The following NHSL1 variants were observed in gnomAD, a reference collection of about 807,000 sequenced individuals.
The protein encoded by NHSL1 is NHS-like protein 1.
Under a neutral mutation model 95.0 loss-of-function variants are expected in NHSL1, and 48 were observed. The ratio of observed to expected loss-of-function variants is 0.51; its 90% CI spans 0.40 to 0.64. The LOEUF (loss-of-function observed/expected upper bound fraction) is 0.64. Ranked by LOEUF, NHSL1 falls within the 30% of genes least tolerant of loss-of-function variation. The pLI is 0.00. For synonymous variants in NHSL1, 783 were observed against 833.9 expected, an observed-to-expected ratio of 0.94 and a Z score of 1.05; for missense variants, 1,971 against 2,077.7, an observed-to-expected ratio of 0.95 and a Z score of 1.00.
intron 1 of NHSL1, among the ~76,000 whole-genome samples, chr6:138,607,684 G>T (rs549909693): frequency 3.3e-5 from 5 of 152,150 alleles, no homozygotes; most frequent in South Asian, 2.1e-4. Context: ...TGCAAGGACC[G>T]CCAGGAGTCA....
chr6:138,670,470 T>A (rs1382186798), intron 1 of NHSL1, among the ~76,000 whole-genome samples: 1 of 149,500 alleles, frequency 6.7e-6, no homozygotes, highest in Non-Finnish European at 1.5e-5. Flanking sequence ...ATCGAGACCA[T>A]CCCGGCTAAA....
intron 1 of NHSL1, among the ~76,000 whole-genome samples, chr6:138,523,298 T>C (rs1328809865): frequency 6.6e-6 from 1 of 151,866 alleles, no homozygotes. Context: ...GTTTTTAAAT[T>C]TTGTTTTTAT....
At chr6:138,500,654 G>A (rs1780624976), upstream of NHSL1, among the ~76,000 whole-genome samples, 2 of 151,248 alleles carry the variant, frequency 1.3e-5, no homozygotes. Context: ...TTTATATAAG[G>A]GGCTCTGTCT....
chr6:138,650,553 C>T (rs1785077733), intron 1 of NHSL1: 1 of 594,062 alleles, frequency 1.7e-6, no homozygotes, highest in African/African-American at 1.9e-5. Flanking sequence ...AACCACATCA[C>T]CCAGGAGGTG....
intron 3 of NHSL1, among the ~76,000 whole-genome samples, chr6:138,451,038 A>G (rs56088570): frequency 0.3 from 45,506 of 151,880 alleles, 8,194 homozygotes; most frequent in African/African-American, 0.48. Flanking sequence ...CAGGCGAAGG[A>G]ATCCTTTTAG....
chr6:138,522,629 G>A (rs774180762), intron 1 of NHSL1, among the ~76,000 whole-genome samples: 6 of 152,136 alleles, frequency 3.9e-5, no homozygotes, highest in Non-Finnish European at 7.3e-5. Context: ...TGACAAGAGT[G>A]AAACTCCATC....
At chr6:138,638,175 C>T (rs939972460) in intron 1 of NHSL1, among the ~76,000 whole-genome samples, 12 of 151,610 alleles carry the variant, frequency 7.9e-5, no homozygotes, top group Middle Eastern at 3.4e-3. Context: ...ATTGAATTCA[C>T]GAAGATAGAA....
At chr6:138,674,671 AG>A (rs1284145317) in intron 1 of NHSL1, among the ~76,000 whole-genome samples, 7 of 152,284 alleles carry the variant, frequency 4.6e-5, no homozygotes, top group Non-Finnish European at 1.0e-4. Context: ...ATGGCTGCAT[AG>A]TATTCCATGG....
chr6:138,598,733 C>T (rs1182670759), intron 1 of NHSL1, among the ~76,000 whole-genome samples: 2 of 151,544 alleles, frequency 1.3e-5, no homozygotes, highest in African/African-American at 4.9e-5. Context: ...TTTGGATTTG[C>T]TGACCAGACT....
At chr6:138,596,121 G>A (rs192770660) in intron 1 of NHSL1, among the ~76,000 whole-genome samples, 17 of 152,302 alleles carry the variant, frequency 1.1e-4, no homozygotes, top group Admixed American at 2.0e-4. Context: ...ATGCCTTCCA[G>A]TAGTCAATGG....
At chr6:138,484,622 T>C (rs1333985833) in intron 2 of NHSL1, among the ~76,000 whole-genome samples, 1 of 152,160 alleles carries the variant, frequency 6.6e-6, no homozygotes, top group Non-Finnish European at 1.5e-5. Context: ...AATATCTCTG[T>C]CACTGACATT....
At chr6:138,651,845 C>T (rs1373081332) in intron 1 of NHSL1, among the ~76,000 whole-genome samples, 1 of 152,040 alleles carries the variant, frequency 6.6e-6, no homozygotes, top group Non-Finnish European at 1.5e-5. Flanking sequence ...TAGAAAATAC[C>T]ATCACAAAGA....
intron 1 of NHSL1, among the ~76,000 whole-genome samples, chr6:138,653,210 C>G (rs1257611679): frequency 6.6e-6 from 1 of 152,174 alleles, no homozygotes; most frequent in Non-Finnish European, 1.5e-5. Flanking sequence ...TATTATATTT[C>G]CAGGTCTAAC....
chr6:138,521,208 G>C (rs1408325695), intron 1 of NHSL1, among the ~76,000 whole-genome samples: 1 of 152,112 alleles, frequency 6.6e-6, no homozygotes, highest in Admixed American at 6.6e-5. Context: ...GTCTTTAAAA[G>C]CCTCCCCCAG....
intron 1 of NHSL1, among the ~76,000 whole-genome samples, chr6:138,545,053 C>A (rs909078739): frequency 7.1e-6 from 1 of 140,240 alleles, no homozygotes; most frequent in Non-Finnish European, 1.5e-5. Flanking sequence ...TGCAGTGGCG[C>A]GATCTCGGCT....
rs879337477 is a variant in NHSL1, at chr6:138,449,675, C to CAA, written c.340-2484_340-2483dup. Among the ~76,000 whole-genome samples the CAA allele has an allele frequency of 3.4e-5, 4 of 116,838 alleles. No homozygotes were observed. The East Asian group carries it at 7.2e-4, about 21-fold the overall frequency. The allele number at this position is 116,838 out of a possible 152,430, so 76.7% of individuals were successfully genotyped here. A position where few individuals can be genotyped will look rare whatever the true frequency, so the allele number is the denominator to read the frequency against. On this transcript the variant is annotated intron_variant, in intron 3 of 7. Coordinates refer to ENST00000343505, the MANE Select transcript of NHSL1 (RefSeq NM_001144060.2). ...CTGGCAACAGATCGAGACTCTGTCT[C>CAA]AAAAAAAAAAAAAAATTTGTGGATA...
intron 1 of NHSL1, among the ~76,000 whole-genome samples, chr6:138,671,652 C>G (rs1785372626): frequency 6.6e-6 from 1 of 151,982 alleles, no homozygotes; most frequent in Non-Finnish European, 1.5e-5. Flanking sequence ...CTCTAGGAGT[C>G]ATATCTCCAA....
intron 3 of NHSL1, among the ~76,000 whole-genome samples, chr6:138,462,798 C>A (rs562078102): frequency 4.6e-4 from 70 of 152,262 alleles, no homozygotes; most frequent in African/African-American, 1.6e-3. Context: ...TAGTGCAAAG[C>A]AGGGAAAAGG....
At chr6:138,683,702 G>T (rs1047051121) in intron 1 of NHSL1, among the ~76,000 whole-genome samples, 3 of 152,202 alleles carry the variant, frequency 2.0e-5, no homozygotes, top group Non-Finnish European at 4.4e-5. Context: ...TGTTTGGGCG[G>T]ACTAATCCTG....
Sources: gnomAD v4.1 joint callset for allele counts (sites outside exome capture counted in the v4.1 genomes callset) on GRCh38, gnomAD v4.1.1 for gene constraint, MANE v1.5 for transcripts, NCBI Gene and HGNC (gene_info 2026-07-23, HGNC 2026-07-21) for gene names.